Variants in ANKRD28 observed in about 807,000 individuals in gnomAD.
The protein encoded by ANKRD28 is serine/threonine-protein phosphatase 6 regulatory ankyrin repeat subunit A.
A neutral mutation model predicts 126.5 loss-of-function variants in ANKRD28; 44 were observed. That is an observed-to-expected ratio of 0.35 (90% CI 0.27 to 0.45). The LOEUF (loss-of-function observed/expected upper bound fraction) is 0.45, where lower values mean the gene tolerates loss of function less well. Among genes scored for constraint, ANKRD28 ranks in the 20% least tolerant of loss-of-function variants. ANKRD28 has a pLI of 1.00. For synonymous variants in ANKRD28, 442 were observed against 468.5 expected, an observed-to-expected ratio of 0.94 and a Z score of 0.73; for missense variants, 1,110 against 1,316.6, an observed-to-expected ratio of 0.84 and a Z score of 2.43.
chr3:15,739,848 C>T (rs141063535), intron 4 of ANKRD28, among the ~76,000 whole-genome samples: 3,087 of 152,308 alleles, frequency 0.02, 35 homozygotes, highest in Middle Eastern at 0.048. Context: ...GCCCAGTCAT[C>T]TATCGAATTG....
chr3:15,777,895 CA>C (rs1460505733), intron 2 of ANKRD28, among the ~76,000 whole-genome samples: 97 of 148,594 alleles, frequency 6.5e-4, no homozygotes, highest in African/African-American at 1.6e-3. Flanking sequence ...CACACACACA[CA>C]CACACACCCT....
chr3:15,834,359 G>T (rs1334946186), intron 1 of ANKRD28, among the ~76,000 whole-genome samples: 1 of 152,086 alleles, frequency 6.6e-6, no homozygotes, highest in Non-Finnish European at 1.5e-5. Context: ...TTAGCTGGTT[G>T]TAGGTATGTG....
chr3:15,760,026 G>C (rs548981587), intron 3 of ANKRD28, among the ~76,000 whole-genome samples: 1 of 152,060 alleles, frequency 6.6e-6, no homozygotes, highest in Non-Finnish European at 1.5e-5. Context: ...CTGGAGATGA[G>C]GGAGAGTAAC....
At chr3:15,859,562 G>C in exon 1 of ANKRD28, 2 of 414,478 alleles carry the variant, frequency 4.8e-6, no homozygotes, top group Non-Finnish European at 6.9e-6. Flanking sequence ...GCAGGGGGCG[G>C]CGCCGCCTCC....
intron 1 of ANKRD28, among the ~76,000 whole-genome samples, chr3:15,806,971 C>T (rs1008356384): frequency 2.0e-5 from 3 of 152,164 alleles, no homozygotes; most frequent in African/African-American, 7.2e-5. Context: ...AAGGGATTAT[C>T]ATCACAAACA....
At chr3:15,727,325 C>T (rs2074242173) in intron 6 of ANKRD28, among the ~76,000 whole-genome samples, 1 of 151,764 alleles carries the variant, frequency 6.6e-6, no homozygotes, top group Non-Finnish European at 1.5e-5. Context: ...GCCTGTAATC[C>T]CAGCACTTTG....
At chr3:15,754,762 T>C (rs769431665) in intron 3 of ANKRD28, among the ~76,000 whole-genome samples, 9 of 152,206 alleles carry the variant, frequency 5.9e-5, no homozygotes, top group Admixed American at 1.3e-4. Context: ...GGGAGGCACA[T>C]TGAAAACTGG....
chr3:15,717,237 G>A (rs997912552), intron 8 of ANKRD28, among the ~76,000 whole-genome samples: 2 of 152,042 alleles, frequency 1.3e-5, no homozygotes, highest in Non-Finnish European at 2.9e-5. Flanking sequence ...TCAGCCTTCC[G>A]AAGGTAGCTG....
chr3:15,736,946 C>T, intron 5 of ANKRD28, 87 bp downstream of exon 5: 1 of 1,366,098 alleles, frequency 7.3e-7, no homozygotes, highest in Non-Finnish European at 1.0e-6. Context: ...TTCTGTATGC[C>T]TTTACTATGC....
At chr3:15,758,264 T>C (rs1414850976) in intron 3 of ANKRD28, among the ~76,000 whole-genome samples, 2 of 152,232 alleles carry the variant, frequency 1.3e-5, no homozygotes, top group Non-Finnish European at 2.9e-5. Context: ...GAAATAATGC[T>C]TTTCTTTGGC....
At chr3:15,765,480 A>G (rs1559494737) in intron 3 of ANKRD28, among the ~76,000 whole-genome samples, 1 of 152,038 alleles carries the variant, frequency 6.6e-6, no homozygotes, top group African/African-American at 2.4e-5. Flanking sequence ...CGTTACCTCC[A>G]CCTAGGAGAA....
chr3:15,715,988 TTCTC>T (rs201449339), intron 8 of ANKRD28, among the ~76,000 whole-genome samples: 5 of 151,920 alleles, frequency 3.3e-5, no homozygotes, highest in Non-Finnish European at 5.9e-5. Flanking sequence ...GGCCTTTTTT[TTCTC>T]TCTTTTTTTT....
In ANKRD28 at chr3:15,737,114, T is replaced by C. The variant is rs1016674400; in HGVS notation, c.471A>G (p.Val157=). ...NKAVKCAEAL[V]PLLSNVNVSD... is the part of the protein sequence containing the mutation. ...ATACGTTTACATTACTCAGAAGAGGTACCAAAGCTTCAGCACACTTTACAG... is the reference window on the plus strand; with the variant it reads ...ATACGTTTACATTACTCAGAAGAGGCACCAAAGCTTCAGCACACTTTACAG... The change falls in exon 5 of 28, where the codon GTA becomes GTG. Residue 157 remains valine (V), a synonymous_variant. Transcript: ENST00000683139. The C allele has an allele frequency of 1.2e-6, 2 of 1,613,982 alleles. No homozygotes were observed. Among genetic ancestry groups the C allele is most frequent in the Admixed American group, 1.7e-5 (1 of 60,024 alleles).
rs2060317773 is a variant in ANKRD28, at chr3:15,797,211, A to AAC, written c.-691_-690insGT. The AAC allele has an allele frequency of 4.4e-6, 3 of 676,938 alleles. No individual in the cohort carries two copies. The highest frequency in any genetic ancestry group is 4.4e-4 in the Admixed American group (1 of 2,288). The allele number at this position is 676,938 out of a possible 1,614,324, so 41.9% of individuals were successfully genotyped here. A position where few individuals can be genotyped will look rare whatever the true frequency, so the allele number is the denominator to read the frequency against. ...GGGAAAGGGGCAAAAAACAAAAACA[A>AAC]AAAAAAAAAAACCACTCTGCATTAA... is the stretch of plus-strand genomic sequence containing the variant. On this transcript the variant is annotated 5_prime_UTR_variant, in exon 1 of 28. An upstream open reading frame in the 5' UTR loses its in-frame stop. Coordinates refer to ENST00000683139, the MANE Select transcript of ANKRD28 (RefSeq NM_001349278.2).
rs151077866 is a variant in ANKRD28 at position 15,841,928 on chromosome 3, C to G, written c.27+17449G>C. On this transcript the variant is annotated intron_variant, in intron 1 of 27. Coordinates refer to the ANKRD28 transcript ENST00000399451. ...ACCATATGATCCAGTAATCCATCTG[C>G]TTGGTATAACCCAAAGAAAGGAAAT... Among the ~76,000 whole-genome samples, 52 of 151,998 alleles carry G rather than the reference C, an allele frequency of 3.4e-4. No homozygotes were observed. In the East Asian group the frequency reaches 9.9e-3, roughly 29 times the overall value.
intron 4 of ANKRD28, among the ~76,000 whole-genome samples, chr3:15,744,545 G>T (rs1484978244): frequency 6.7e-6 from 1 of 148,226 alleles, no homozygotes; most frequent in Non-Finnish European, 1.5e-5. Flanking sequence ...TTGAACTCCT[G>T]ACCTCAGGTG....
Position 15,721,070 on chromosome 3 carries a change from G to C in ANKRD28, c.841C>G (p.Gln281Glu). The change falls in exon 8 of 28, where the codon CAA becomes GAA. Residue 281 changes from glutamine to glutamate, a missense_variant. Gln to Glu is a conservative substitution (Grantham distance 29). Transcript: ENST00000683139. ...ATAAGTTCATTCACTACAACATCTT[G>C]TCCATTATAGCAGGCTACATGAAGA... ...TPLHVACYNG[Q>E]DVVVNELIDC... 6.2e-7 allele frequency: 1 copy of C among 1,613,762 alleles called. No homozygotes were observed. Among genetic ancestry groups the C allele is most frequent in the Non-Finnish European group, 8.5e-7 (1 of 1,179,790 alleles).
intron 17 of ANKRD28, among the ~76,000 whole-genome samples, chr3:15,692,224 G>A (rs774874765): frequency 6.6e-6 from 1 of 151,934 alleles, no homozygotes; most frequent in Non-Finnish European, 1.5e-5. Flanking sequence ...GCCAACACAG[G>A]AGGATTACTT....
exon 1 of ANKRD28, chr3:15,859,502 C>T: frequency 8.5e-7 from 1 of 1,181,734 alleles, no homozygotes; most frequent in South Asian, 1.5e-5. Flanking sequence ...GCCTTGGCCG[C>T]TGCCCGGGAC....
Sources: allele counts gnomAD v4.1 joint callset (sites outside exome capture counted in the v4.1 genomes callset), GRCh38; gene constraint gnomAD v4.1.1; transcripts MANE v1.5; gene names NCBI Gene and HGNC (gene_info 2026-07-23, HGNC 2026-07-21).